COLEC10: variants seen among roughly 807,000 people sequenced by gnomAD.
The protein encoded by COLEC10 is collectin-10.
COLEC10 carries 22 observed loss-of-function variants against 28.4 expected under a neutral mutation model. The ratio of observed to expected loss-of-function variants is 0.78; its 90% CI spans 0.55 to 1.11. The LOEUF (loss-of-function observed/expected upper bound fraction) is 1.11. COLEC10 is among the 50% of genes least tolerant of loss of function. The probability of loss-of-function intolerance (pLI) is 0.00; values close to 1 mark genes in which losing one functional copy is unlikely to be tolerated. For missense variants in COLEC10, 361 were observed against 344.1 expected (o/e 1.05, Z -0.39); for synonymous variants, 125 against 116.1 (o/e 1.08, Z -0.49).
intron 2 of COLEC10, among the ~76,000 whole-genome samples, chr8:119,046,764 G>A (rs1814594293): frequency 6.6e-6 from 1 of 152,130 alleles, no homozygotes; most frequent in South Asian, 2.1e-4. Flanking sequence ...ATTTTCATGT[G>A]ATGTTTACTT....
upstream of COLEC10, among the ~76,000 whole-genome samples, chr8:119,062,762 G>C (rs1814881884): frequency 1.3e-5 from 2 of 152,276 alleles, no homozygotes; most frequent in Non-Finnish European, 1.5e-5. Context: ...TTACAGATGA[G>C]AGCCACTGTG....
intron 1 of COLEC10, among the ~76,000 whole-genome samples, chr8:119,006,860 C>G (rs777601148): frequency 6.6e-6 from 1 of 151,848 alleles, no homozygotes; most frequent in Non-Finnish European, 1.5e-5. Flanking sequence ...AATTTGTTCA[C>G]AAAAAAATCC....
chr8:119,062,768 C>T (rs1814882062), upstream of COLEC10, among the ~76,000 whole-genome samples: 1 of 152,256 alleles, frequency 6.6e-6, no homozygotes, highest in South Asian at 2.1e-4. Flanking sequence ...ATGAGAGCCA[C>T]TGTGCCTAGC....
At chr8:118,985,613 C>T in the COLEC10 span, among the ~76,000 whole-genome samples, 1 of 152,072 alleles carries the variant, frequency 6.6e-6, no homozygotes, top group Non-Finnish European at 1.5e-5. Context: ...AACATGTGCT[C>T]AAGCCTCCTT....
intron 4 of COLEC10, among the ~76,000 whole-genome samples, chr8:119,102,856 G>A (rs890947108): frequency 6.6e-6 from 1 of 152,160 alleles, no homozygotes; most frequent in African/African-American, 2.4e-5. Flanking sequence ...TTGTCCTGGA[G>A]CTTTATTCCC....
At chr8:119,102,772 C>A in intron 4 of COLEC10, 1 of 189,718 alleles carries the variant, frequency 5.3e-6, no homozygotes, top group Non-Finnish European at 1.1e-5. Flanking sequence ...AGTGCAGCAG[C>A]AGCCTGACCA....
intron 1 of COLEC10, among the ~76,000 whole-genome samples, chr8:119,070,005 T>G (rs1466214050): frequency 3.3e-5 from 5 of 152,130 alleles, no homozygotes. Context: ...TATTTAGAAT[T>G]GCAGAATGGC....
intron 1 of COLEC10, among the ~76,000 whole-genome samples, chr8:119,004,397 C>T (rs4336637): frequency 0.66 from 99,927 of 151,232 alleles, 34,457 homozygotes; most frequent in African/African-American, 0.86. Context: ...AGAGCTGCCC[C>T]TGAGAGAAGC....
Position 119,105,983 on chromosome 8 carries a change from T to C in COLEC10, c.626T>C (p.Ile209Thr). 6.2e-7 allele frequency: 1 copy of C among 1,613,826 alleles called. No individual in the cohort carries two copies. Among genetic ancestry groups the C allele is most frequent in the Non-Finnish European group, 8.5e-7 (1 of 1,179,876 alleles). ...AAGAGTGGCTTCTTTCGGGTGTTCA[T>C]TGGCGTGAATGACCTTGAAAGGGAG... The part of the protein sequence containing the change: ...VAKSGFFRVF[I>T]GVNDLEREGQ... The change falls in exon 6 of 6, where the codon ATT (isoleucine) becomes ACT (threonine). Residue 209 changes from isoleucine to threonine, a missense_variant. By Grantham distance (89) the Ile-to-Thr change is moderately conservative. This residue lies in a region of COLEC10 where 335 missense variants were observed against 308.5 expected (regional missense o/e 1.09). Transcript: ENST00000332843.
intron 2 of COLEC10, among the ~76,000 whole-genome samples, chr8:119,044,621 C>CG (rs1000490475): frequency 6.6e-6 from 1 of 151,716 alleles, no homozygotes; most frequent in African/African-American, 2.4e-5. Flanking sequence ...AGCGGGAGGG[C>CG]GGGGGCATGG....
chr8:119,086,560 G>A (rs979987496), intron 1 of COLEC10, among the ~76,000 whole-genome samples: 1 of 152,066 alleles, frequency 6.6e-6, no homozygotes, highest in African/African-American at 2.4e-5. Context: ...CAGTCACATG[G>A]GTTGAAGGAT....
chr8:119,102,621 T>C (rs16892025), intron 4 of COLEC10: 15,066 of 446,614 alleles, frequency 0.034, 452 homozygotes, highest in South Asian at 0.13. Context: ...ATCCCTGCCA[T>C]GCTTACTATG....
At chr8:119,019,336 G>A (rs4403440) in intron 2 of COLEC10, among the ~76,000 whole-genome samples, 80,748 of 151,922 alleles carry the variant, frequency 0.53, 21,725 homozygotes, top group Middle Eastern at 0.66. Context: ...AGTCCGTATT[G>A]AAGGGACCCA....
chr8:118,990,969 G>GA (rs932082962), upstream of COLEC10, among the ~76,000 whole-genome samples: 73 of 140,116 alleles, frequency 5.2e-4, no homozygotes, highest in East Asian at 1.1e-3. Flanking sequence ...GGGAATTAAA[G>GA]AAAAAAAAAA....
chr8:119,053,685 G>T (rs927670135), intron 2 of COLEC10, among the ~76,000 whole-genome samples: 4 of 91,580 alleles, frequency 4.4e-5, no homozygotes, highest in Admixed American at 1.9e-4. Context: ...AAAAAAAAAG[G>T]TGGGGGGGGC....
At chr8:119,082,731 T>G (rs1815393345) in intron 1 of COLEC10, among the ~76,000 whole-genome samples, 1 of 152,238 alleles carries the variant, frequency 6.6e-6, no homozygotes, top group Non-Finnish European at 1.5e-5. Flanking sequence ...GAAGACATTT[T>G]AGCACCAGCC....
At chr8:119,047,914 C>G (rs532255945) in intron 2 of COLEC10, among the ~76,000 whole-genome samples, 1 of 152,214 alleles carries the variant, frequency 6.6e-6, no homozygotes, top group South Asian at 2.1e-4. Context: ...ACCCCCAATC[C>G]TTGGGTACTC....
At chr8:118,994,598 A>G (rs1813560082), upstream of COLEC10, among the ~76,000 whole-genome samples, 1 of 152,126 alleles carries the variant, frequency 6.6e-6, no homozygotes, top group Admixed American at 6.6e-5. Context: ...CCCTTGTCCA[A>G]GGTAGAGCCA....
At chr8:119,069,232 G>T (rs964514594) in intron 1 of COLEC10, among the ~76,000 whole-genome samples, 4 of 152,030 alleles carry the variant, frequency 2.6e-5, no homozygotes, top group African/African-American at 4.8e-5. Flanking sequence ...ATTCATCACT[G>T]CCTTTCCTGT....
Sources: gnomAD v4.1 joint callset for allele counts (sites outside exome capture counted in the v4.1 genomes callset) on GRCh38, gnomAD v4.1.1 for gene constraint, gnomAD v4.1.1 regional missense constraint, MANE v1.5 for transcripts, NCBI Gene and HGNC (gene_info 2026-07-23, HGNC 2026-07-21) for gene names.